VCAN: variants seen among roughly 807,000 people sequenced by gnomAD.
VCAN encodes versican, also known as versican core protein.
VCAN carries 44 observed loss-of-function variants against 245.5 expected under a neutral mutation model. The ratio of observed to expected loss-of-function variants is 0.18; its 90% CI spans 0.14 to 0.23. The LOEUF (loss-of-function observed/expected upper bound fraction) is 0.23. Ranked by LOEUF, VCAN falls within the 10% of genes least tolerant of loss-of-function variation. The pLI is 1.00. For missense variants in VCAN, 3,793 were observed against 4,057.9 expected, an observed-to-expected ratio of 0.93 and a Z score of 1.77; for synonymous variants, 1,413 against 1,437.0, an observed-to-expected ratio of 0.98 and a Z score of 0.38.
chr5:83,537,486 G>A lies in VCAN; in HGVS notation c.4483G>A (p.Gly1495Ser), dbSNP rs1385265846. The A allele has an allele frequency of 1.2e-6, 2 of 1,613,812 alleles. No individual in the cohort carries two copies. The highest frequency in any genetic ancestry group is 2.2e-5 in the East Asian group (1 of 44,872). ...CCCTGAAACATCAGAACATTTTTCA[G>A]GTGGTGAGCCTGATGTTTTCCCCAC... ...TYPETSEHFS[G>S]GEPDVFPTVP... Residue 1495 changes from glycine to serine, a missense_variant, in exon 8 of 15, where the codon GGT becomes AGT. Around this residue, in one of 5 missense-constraint regions of VCAN, gnomAD observed 3,182 missense variants for 3,250.3 expected, o/e 0.98. Transcript: ENST00000265077.
chr5:83,564,728 A>G (rs1211897917), intron 12 of VCAN, among the ~76,000 whole-genome samples: 1 of 151,774 alleles, frequency 6.6e-6, no homozygotes, highest in Non-Finnish European at 1.5e-5. Flanking sequence ...TTTGGAGGAA[A>G]ACAGAGTAAG....
chr5:83,565,747 CT>C (rs1748055057), intron 12 of VCAN, among the ~76,000 whole-genome samples: 1 of 152,046 alleles, frequency 6.6e-6, no homozygotes, highest in South Asian at 2.1e-4. Context: ...ACTTCTTAGT[CT>C]TTTGCTCATA....
intron 12 of VCAN, among the ~76,000 whole-genome samples, chr5:83,558,542 A>T (rs185524676): frequency 7.9e-5 from 12 of 152,264 alleles, no homozygotes; most frequent in Admixed American, 7.2e-4. Flanking sequence ...ATTTAGCCTT[A>T]CAATCCAGTA....
chr5:83,524,940 C>A (rs1484208610), intron 7 of VCAN, among the ~76,000 whole-genome samples: 4 of 151,962 alleles, frequency 2.6e-5, no homozygotes, highest in African/African-American at 9.7e-5. Flanking sequence ...ATAGAATACA[C>A]CTTTATATAT....
At chr5:83,488,413 A>G (rs1744858878) in intron 2 of VCAN, among the ~76,000 whole-genome samples, 2 of 152,222 alleles carry the variant, frequency 1.3e-5, no homozygotes, top group South Asian at 2.1e-4. Context: ...CAGAGCTAAA[A>G]GATTCCTTGA....
At chr5:83,572,012 T>C (rs1748307080) in intron 12 of VCAN, among the ~76,000 whole-genome samples, 1 of 152,168 alleles carries the variant, frequency 6.6e-6, no homozygotes. Flanking sequence ...CACAATTATA[T>C]AAATTTATAT....
intron 7 of VCAN, among the ~76,000 whole-genome samples, chr5:83,522,923 C>A (rs1746162486): frequency 6.6e-6 from 1 of 152,130 alleles, no homozygotes; most frequent in Admixed American, 6.5e-5. Context: ...AGAGCAAGTA[C>A]AACCTAGCTT....
intron 6 of VCAN, among the ~76,000 whole-genome samples, chr5:83,516,106 C>T (rs1178165955): frequency 2.0e-5 from 3 of 152,078 alleles, no homozygotes; most frequent in Non-Finnish European, 2.9e-5. Context: ...GTGGCGGGCG[C>T]CTGTAGTCCC....
intron 12 of VCAN, among the ~76,000 whole-genome samples, chr5:83,568,925 C>T (rs1014638568): frequency 6.6e-6 from 1 of 152,050 alleles, no homozygotes; most frequent in Non-Finnish European, 1.5e-5. Flanking sequence ...CACACACATA[C>T]ATCCATACAC....
intron 1 of VCAN, among the ~76,000 whole-genome samples, chr5:83,479,000 C>T (rs991725965): frequency 3.9e-5 from 6 of 152,004 alleles, no homozygotes; most frequent in Non-Finnish European, 7.4e-5. Context: ...TGCTAAGGGG[C>T]GACAATGTGA....
At chr5:83,547,614 G>A (rs1237188100) in intron 9 of VCAN, among the ~76,000 whole-genome samples, 1 of 152,072 alleles carries the variant, frequency 6.6e-6, no homozygotes, top group Admixed American at 6.6e-5. Flanking sequence ...AGGTGGGAAG[G>A]CTGGGGCTGT....
At chr5:83,514,514 C>T (rs1247597820) in intron 6 of VCAN, among the ~76,000 whole-genome samples, 1 of 150,506 alleles carries the variant, frequency 6.6e-6, no homozygotes, top group East Asian at 2.0e-4. Flanking sequence ...GCAATGGTGC[C>T]ATCTCAGCTC....
chr5:83,519,805 C>T lies in VCAN; in HGVS notation c.1499C>T (p.Thr500Ile), dbSNP rs1390722075. ...IEQIEVGPLV[T>I]SMEILKHIPS... is the part of the protein sequence containing the mutation. ...CAAATAGAAGTGGGTCCTTTGGTAACATCTATGGAAATCTTAAAGCACATT... is the reference window on the plus strand; with the variant it reads ...CAAATAGAAGTGGGTCCTTTGGTAATATCTATGGAAATCTTAAAGCACATT... Residue 500 changes from threonine (T) to isoleucine (I), a missense_variant, in exon 7 of 15, where the codon ACA (threonine) becomes ATA (isoleucine). Transcript: ENST00000265077. 6.2e-7 allele frequency: 1 copy of T among 1,614,134 alleles called. No individual in the cohort carries two copies. The highest frequency in any genetic ancestry group is 8.5e-7 in the Non-Finnish European group (1 of 1,179,984).
intron 12 of VCAN, among the ~76,000 whole-genome samples, chr5:83,567,507 G>A (rs529152129): frequency 1.1e-4 from 17 of 151,930 alleles, no homozygotes; most frequent in South Asian, 2.1e-4. Context: ...TCACTATGTT[G>A]GCCAGGCTGG....
At chr5:83,493,520 G>C (rs755360687) in intron 3 of VCAN, 26 bp from the exon 4 acceptor site, 1 of 1,612,564 alleles carries the variant, frequency 6.2e-7, no homozygotes, top group South Asian at 1.1e-5. Flanking sequence ...GAACAGGCTG[G>C]CAATTGTTTG....
chr5:83,522,070 C>T lies in VCAN; in HGVS notation c.3764C>T (p.Thr1255Ile), dbSNP rs981175642. ...TSDMVIIGESTSHVPPTTLED... is the reference protein window; with the variant it reads ...TSDMVIIGESISHVPPTTLED... ...GACATGGTAATCATTGGAGAATCAA[C>T]ATCTCATGTTCCTCCCACTACCCTT... Residue 1255 changes from threonine (T) to isoleucine (I), a missense_variant, in exon 7 of 15, where the codon ACA (threonine) becomes ATA (isoleucine). This residue lies in a region of VCAN where 3,182 missense variants were observed against 3,250.3 expected (regional missense o/e 0.98). Transcript: ENST00000265077. The T allele has an allele frequency of 2.5e-6, 4 of 1,614,082 alleles. No homozygotes were observed. In the African/African-American group the frequency reaches 4.0e-5, roughly 16 times the overall value.
chr5:83,544,433 T>C (rs1747124254), intron 8 of VCAN, among the ~76,000 whole-genome samples: 5 of 152,222 alleles, frequency 3.3e-5, no homozygotes, highest in Admixed American at 3.3e-4. Flanking sequence ...GTCTCAGTTA[T>C]CTTTTATAGC....
chr5:83,577,503 A>G (rs1262315020), intron 13 of VCAN, among the ~76,000 whole-genome samples: 5 of 152,178 alleles, frequency 3.3e-5, no homozygotes, highest in Non-Finnish European at 7.3e-5. Context: ...CTTGTAGCAG[A>G]TTCTGGAATA....
chr5:83,572,302 T>G (rs1748315643), intron 12 of VCAN, 114 bp from the exon 13 acceptor site: 2 of 1,321,128 alleles, frequency 1.5e-6, no homozygotes, highest in African/African-American at 1.5e-5. Flanking sequence ...TTCAGCTATA[T>G]GAAACAACAG....
Sources: allele counts gnomAD v4.1 joint callset (sites outside exome capture counted in the v4.1 genomes callset), GRCh38; gene constraint gnomAD v4.1.1; regional missense constraint gnomAD v4.1.1; transcripts MANE v1.5; gene names NCBI Gene and HGNC (gene_info 2026-07-23, HGNC 2026-07-21).